The following PLD3 variants were observed in gnomAD, a reference collection of about 807,000 sequenced individuals.
PLD3 encodes the protein 5'-3' exonuclease PLD3.
PLD3 carries 31 observed loss-of-function variants against 58.4 expected under a neutral mutation model. That is an observed-to-expected ratio of 0.53 (90% CI 0.40 to 0.72). The LOEUF (loss-of-function observed/expected upper bound fraction) is 0.72. Ranked by LOEUF, PLD3 falls within the 30% of genes least tolerant of loss-of-function variation. The pLI, the probability that PLD3 is intolerant of heterozygous loss-of-function variation, is 0.00. For missense variants in PLD3, 595 were observed against 659.8 expected, an observed-to-expected ratio of 0.90 and a Z score of 1.08; for synonymous variants, 264 against 273.4, an observed-to-expected ratio of 0.97 and a Z score of 0.34.
chr19:40,363,588 G>A (rs759644777), intron 1 of PLD3, among the ~76,000 whole-genome samples: 9 of 152,192 alleles, frequency 5.9e-5, no homozygotes, highest in East Asian at 5.8e-4. Context: ...CCGCCACCAC[G>A]CCCAGCTAAT....
At chr19:40,372,361 G>A (rs1402127630) in intron 9 of PLD3, among the ~76,000 whole-genome samples, 1 of 151,926 alleles carries the variant, frequency 6.6e-6, no homozygotes, top group Non-Finnish European at 1.5e-5. Context: ...GCTGGGTTGG[G>A]TTGTGCATGC....
rs894285246 is a variant in PLD3 at position 40,366,991 on chromosome 19, C to T, written c.245+76C>T. On this transcript the variant is annotated intron_variant, in intron 5 of 12. Coordinates refer to ENST00000409735, the MANE Select transcript of PLD3 (RefSeq NM_012268.4). Reference sequence around the variant, plus strand: ...ACACTTAAGCACACACTAAACAGGGCCTGCACTCAGCCCTACCCAGCGCTT... The same window carrying T: ...ACACTTAAGCACACACTAAACAGGGTCTGCACTCAGCCCTACCCAGCGCTT... 9.5e-6 allele frequency: 14 copies of T among 1,478,226 alleles called. No homozygotes were observed. The African/African-American group carries it at 1.8e-4, about 19-fold the overall frequency. The allele number at this position is 1,478,226 out of a possible 1,614,324, so 91.6% of individuals were successfully genotyped here.
At chr19:40,355,846 A>C (rs2078644710) in intron 1 of PLD3, 1 of 152,140 alleles carries the variant, frequency 6.6e-6, no homozygotes, top group Admixed American at 6.6e-5. Flanking sequence ...ACCCATCATT[A>C]GGCACTGCCA....
intron 1 of PLD3, chr19:40,358,882 G>C (rs945960256): frequency 6.6e-6 from 1 of 152,150 alleles, no homozygotes; most frequent in Non-Finnish European, 1.5e-5. Context: ...GGGTGTTCAG[G>C]GATCTGTGAC....
intron 9 of PLD3, among the ~76,000 whole-genome samples, chr19:40,373,006 A>G (rs1434144649): frequency 6.6e-6 from 1 of 152,218 alleles, no homozygotes; most frequent in African/African-American, 2.4e-5. Context: ...GGCTCTCGCC[A>G]TGGCAGATAC....
At chr19:40,373,585 A>G (rs543998176) in intron 9 of PLD3, among the ~76,000 whole-genome samples, 1 of 150,164 alleles carries the variant, frequency 6.7e-6, no homozygotes, top group African/African-American at 2.4e-5. Flanking sequence ...TCAAAAAAAA[A>G]AAAAGGGGGG....
Position 40,378,447 on chromosome 19 carries a change from G to A in PLD3, c.*274G>A, listed in dbSNP as rs1284500979. 1.8e-6 allele frequency: 1 copy of A among 564,284 alleles called. No homozygotes were observed. Among genetic ancestry groups the A allele is most frequent in the Non-Finnish European group, 3.2e-6 (1 of 314,342 alleles). The allele number at this position is 564,284 out of a possible 1,614,324, so 35.0% of individuals were successfully genotyped here. ...CCACCCCCACTTTCCAGGGCAAAAAGGGCCCAGGGTTATAATAAGTAAATA... is the reference window on the plus strand; with the variant it reads ...CCACCCCCACTTTCCAGGGCAAAAAAGGCCCAGGGTTATAATAAGTAAATA... On this transcript the variant is annotated 3_prime_UTR_variant, in exon 13 of 13. Coordinates refer to ENST00000409735, the MANE Select transcript of PLD3 (RefSeq NM_012268.4).
In PLD3 at chr19:40,367,018, C is replaced by G. The variant is rs1386197779; in HGVS notation, c.245+103C>G. 2.2e-6 allele frequency: 3 copies of G among 1,351,454 alleles called. No individual in the cohort carries two copies. In the African/African-American group the frequency reaches 4.4e-5, roughly 20 times the overall value. 83.7% of individuals were successfully genotyped at this position (1,351,454 alleles called of 1,614,324 possible). A position where few individuals can be genotyped will look rare whatever the true frequency, so the allele number is the denominator to read the frequency against. Reference sequence around the variant, plus strand: ...TGCACTCAGCCCTACCCAGCGCTTGCGACAAGTGAGGAGGTTGCAGGCTCC... The same window carrying G: ...TGCACTCAGCCCTACCCAGCGCTTGGGACAAGTGAGGAGGTTGCAGGCTCC... On this transcript the variant is annotated intron_variant, in intron 5 of 12. Transcript: ENST00000409735.
rs753499013 is a variant in PLD3 at position 40,374,622 on chromosome 19, T to A, written c.1019+2T>A. ...TCTGGAGTTCTCCCACCCTCACAGGTACTGCTGGGTGTGGAGATAGGGAGC... is the reference window on the plus strand; with the variant it reads ...TCTGGAGTTCTCCCACCCTCACAGGAACTGCTGGGTGTGGAGATAGGGAGC... On this transcript the variant is annotated splice_donor_variant, in intron 10 of 12. Coordinates refer to ENST00000409735, the MANE Select transcript of PLD3 (RefSeq NM_012268.4). LOFTEE classifies it high-confidence loss of function. 2 of 1,613,884 alleles carry A rather than the reference T, an allele frequency of 1.2e-6. No individual in the cohort carries two copies. Among genetic ancestry groups the A allele is most frequent in the Non-Finnish European group, 1.7e-6 (2 of 1,179,890 alleles).
At chr19:40,351,546 AAAAG>A (rs1312841858) in intron 1 of PLD3, among the ~76,000 whole-genome samples, 1 of 152,156 alleles carries the variant, frequency 6.6e-6, no homozygotes, top group African/African-American at 2.4e-5. Flanking sequence ...CTGTCTCAAA[AAAAG>A]AGAGAGAGAA....
intron 10 of PLD3, among the ~76,000 whole-genome samples, chr19:40,375,393 G>A (rs1010252758): frequency 6.6e-6 from 1 of 151,984 alleles, no homozygotes; most frequent in African/African-American, 2.4e-5. Flanking sequence ...GCTCACACCT[G>A]TAATCCCAGC....
chr19:40,371,170 A>G (rs974743207), intron 8 of PLD3, among the ~76,000 whole-genome samples: 9 of 152,210 alleles, frequency 5.9e-5, no homozygotes, highest in Admixed American at 5.9e-4. Flanking sequence ...TAACTCATGA[A>G]TTCATTTCCT....
chr19:40,367,903 C>A lies in PLD3; in HGVS notation c.429+24C>A, dbSNP rs372595569. ...AGGTACCTGCAACCTTGGCCCTGGC[C>A]GGCAGCAGGGGCAGGGGGTGGGAGG... is the stretch of plus-strand genomic sequence containing the variant. On this transcript the variant is annotated intron_variant, in intron 6 of 12. Coordinates refer to ENST00000409735, the MANE Select transcript of PLD3 (RefSeq NM_012268.4). 4.0e-4 allele frequency: 612 copies of A among 1,518,406 alleles called. 13 individuals carry two copies. The South Asian group carries it at 7.0e-3, about 17-fold the overall frequency. 94.1% of individuals were successfully genotyped at this position (1,518,406 alleles called of 1,614,324 possible).
At chr19:40,356,766 G>A (rs190307147) in intron 1 of PLD3, 2 of 152,658 alleles carry the variant, frequency 1.3e-5, no homozygotes, top group Admixed American at 1.3e-4. Flanking sequence ...TTTGGGTTGA[G>A]AAAGAGGGAA....
chr19:40,359,778 G>A (rs930389315), intron 1 of PLD3: 8 of 152,314 alleles, frequency 5.3e-5, no homozygotes, highest in African/African-American at 1.9e-4. Context: ...GAGCTGTTAG[G>A]AGACTTGACA....
chr19:40,366,134 T>C (rs978267744), intron 2 of PLD3: 3 of 390,538 alleles, frequency 7.7e-6, no homozygotes, highest in Non-Finnish European at 1.4e-5. Flanking sequence ...TCTTGGGGTG[T>C]CTACAGGTTG....
chr19:40,364,243 A>G (rs1402630646), intron 1 of PLD3, among the ~76,000 whole-genome samples: 1 of 151,976 alleles, frequency 6.6e-6, no homozygotes, highest in African/African-American at 2.4e-5. Context: ...AATCCCAGCT[A>G]CTCGGGAGGC....
chr19:40,368,788 T>C (rs1019190714), intron 6 of PLD3, among the ~76,000 whole-genome samples: 7 of 151,712 alleles, frequency 4.6e-5, no homozygotes, highest in African/African-American at 1.5e-4. Context: ...AGGAGGGTGT[T>C]GTGGTGCATG....
intron 1 of PLD3, among the ~76,000 whole-genome samples, chr19:40,354,866 C>T (rs557846339): frequency 1.9e-4 from 29 of 150,946 alleles, no homozygotes; most frequent in African/African-American, 7.1e-4. Flanking sequence ...GAGACTGAGT[C>T]TCACTCTGTC....
Sources: allele counts gnomAD v4.1 joint callset (sites outside exome capture counted in the v4.1 genomes callset), GRCh38; gene constraint gnomAD v4.1.1; transcripts MANE v1.5; gene names NCBI Gene and HGNC (gene_info 2026-07-23, HGNC 2026-07-21).